The following BMAL2 variants were observed in gnomAD, a reference collection of about 807,000 sequenced individuals.
The protein encoded by BMAL2 is basic helix-loop-helix ARNT-like protein 2.
the BMAL2 span, among the ~76,000 whole-genome samples, chr12:27,383,442 G>C: frequency 6.6e-6 from 1 of 152,146 alleles, no homozygotes; most frequent in East Asian, 1.9e-4. Context: ...CCAATGTGTG[G>C]ACAAGTGTGC....
chr12:27,411,318 AT>A, the BMAL2 span, among the ~76,000 whole-genome samples: 7 of 152,066 alleles, frequency 4.6e-5, no homozygotes, highest in African/African-American at 1.7e-4. Context: ...TTTAAAAAAA[AT>A]AATAACACAA....
At chr12:27,375,561 A>T in the BMAL2 span, among the ~76,000 whole-genome samples, 1 of 152,224 alleles carries the variant, frequency 6.6e-6, no homozygotes, top group Non-Finnish European at 1.5e-5. Flanking sequence ...CATTGTATGT[A>T]TCTACATGTT....
the BMAL2 span, among the ~76,000 whole-genome samples, chr12:27,363,659 A>G: frequency 5.9e-5 from 9 of 152,190 alleles, no homozygotes; most frequent in Non-Finnish European, 1.2e-4. Flanking sequence ...ATTGAGAGTC[A>G]TTGGTCTTTT....
the BMAL2 span, among the ~76,000 whole-genome samples, chr12:27,355,903 G>A: frequency 4.6e-5 from 7 of 152,116 alleles, no homozygotes; most frequent in East Asian, 5.8e-4. Context: ...GTGAGCCTTC[G>A]CTCCCCTAAG....
the BMAL2 span, among the ~76,000 whole-genome samples, chr12:27,379,405 C>T: frequency 6.6e-6 from 1 of 152,124 alleles, no homozygotes; most frequent in Non-Finnish European, 1.5e-5. Flanking sequence ...GGAATGAGAT[C>T]TCAGGGTGAA....
At chr12:27,384,432 A>G in the BMAL2 span, among the ~76,000 whole-genome samples, 3 of 152,222 alleles carry the variant, frequency 2.0e-5, no homozygotes, top group African/African-American at 7.2e-5. Context: ...TATTGCCATT[A>G]AAGGATTTTC....
At chr12:27,386,479 C>T in the BMAL2 span, among the ~76,000 whole-genome samples, 1 of 152,086 alleles carries the variant, frequency 6.6e-6, no homozygotes, top group Non-Finnish European at 1.5e-5. Flanking sequence ...TGAGTGATGC[C>T]TTTTTATTAT....
At chr12:27,390,324 T>C in the BMAL2 span, 1 of 1,397,486 alleles carries the variant, frequency 7.2e-7, no homozygotes, top group South Asian at 1.3e-5. Context: ...AAATAAAATA[T>C]ATGGTCAAGG....
chr12:27,378,984 G>A, the BMAL2 span, among the ~76,000 whole-genome samples: 11 of 152,054 alleles, frequency 7.2e-5, no homozygotes, highest in Non-Finnish European at 1.0e-4. Flanking sequence ...AAGAAAAATT[G>A]TCTTGGGCCA....
the BMAL2 span, among the ~76,000 whole-genome samples, chr12:27,339,164 A>T: frequency 6.6e-6 from 1 of 152,034 alleles, no homozygotes; most frequent in Non-Finnish European, 1.5e-5. Context: ...CTGTATGTCC[A>T]TGTGTTCTCA....
At chr12:27,388,465 G>A in the BMAL2 span, among the ~76,000 whole-genome samples, 1 of 152,030 alleles carries the variant, frequency 6.6e-6, no homozygotes, top group East Asian at 1.9e-4. Flanking sequence ...TCAGAAGAGG[G>A]GTGGCCACTG....
the BMAL2 span, among the ~76,000 whole-genome samples, chr12:27,393,561 TAA>T: frequency 6.6e-6 from 1 of 152,228 alleles, no homozygotes; most frequent in Non-Finnish European, 1.5e-5. Context: ...AGCCTAGGAC[TAA>T]AGATTCCTCC....
the BMAL2 span, chr12:27,390,571 G>A: frequency 4.6e-6 from 1 of 217,540 alleles, no homozygotes; most frequent in Non-Finnish European, 9.0e-6. Flanking sequence ...AAAATATAAA[G>A]GTTAGATGTT....
At chr12:27,397,325 C>T in the BMAL2 span, among the ~76,000 whole-genome samples, 1 of 152,236 alleles carries the variant, frequency 6.6e-6, no homozygotes, top group African/African-American at 2.4e-5. Flanking sequence ...CAACCTTGGC[C>T]TCCCAAAGTG....
the BMAL2 span, chr12:27,401,229 T>C: frequency 6.4e-7 from 1 of 1,557,450 alleles, no homozygotes; most frequent in Non-Finnish European, 8.9e-7. Context: ...TCACCACTTC[T>C]GAAGTTTATT....
chr12:27,383,218 G>A, the BMAL2 span, among the ~76,000 whole-genome samples: 1 of 152,234 alleles, frequency 6.6e-6, no homozygotes, highest in African/African-American at 2.4e-5. Context: ...TTTCACATCT[G>A]TGAGATAGGG....
At chr12:27,351,608 C>T in the BMAL2 span, among the ~76,000 whole-genome samples, 2 of 152,182 alleles carry the variant, frequency 1.3e-5, no homozygotes, top group African/African-American at 4.8e-5. Context: ...TACCAGATCC[C>T]TACGTAGGGA....
the BMAL2 span, among the ~76,000 whole-genome samples, chr12:27,410,290 A>G: frequency 0.79 from 119,665 of 152,132 alleles, 47,579 homozygotes; most frequent in Middle Eastern, 0.92. Context: ...AAAGACACAT[A>G]CACACGTATG....
chr12:27,399,022 C>T, the BMAL2 span, among the ~76,000 whole-genome samples: 1 of 152,056 alleles, frequency 6.6e-6, no homozygotes, highest in South Asian at 2.1e-4. Context: ...TTGATCGTGG[C>T]ACCAGTAAAC....
Sources: gnomAD v4.1 joint callset for allele counts (sites outside exome capture counted in the v4.1 genomes callset) on GRCh38, gnomAD v4.1.1 for gene constraint, MANE v1.5 for transcripts, NCBI Gene and HGNC (gene_info 2026-07-23, HGNC 2026-07-21) for gene names.